Variants in WT1 observed in about 807,000 individuals in gnomAD.
The protein encoded by WT1 is Wilms tumor protein.
A neutral mutation model predicts 60.8 loss-of-function variants in WT1; 8 were observed. That is an observed-to-expected ratio of 0.13 (90% CI 0.08 to 0.24). The LOEUF (loss-of-function observed/expected upper bound fraction) is 0.24, where lower values mean the gene tolerates loss of function less well. Among genes scored for constraint, WT1 ranks in the 10% least tolerant of loss-of-function variants. The pLI is 1.00. For missense variants in WT1, 568 were observed against 711.8 expected, an observed-to-expected ratio of 0.80 and a Z score of 2.30; for synonymous variants, 312 against 297.1, an observed-to-expected ratio of 1.05 and a Z score of -0.52.
chr11:32,404,787 G>C (rs1416807349), intron 5 of WT1, among the ~76,000 whole-genome samples: 1 of 152,094 alleles, frequency 6.6e-6, no homozygotes, highest in African/African-American at 2.4e-5. Context: ...AAAAGAAACG[G>C]ACTTGGGCAC....
chr11:32,399,177 G>A (rs797007297), intron 6 of WT1, among the ~76,000 whole-genome samples: 35 of 138,876 alleles, frequency 2.5e-4, no homozygotes, highest in South Asian at 4.9e-4. Context: ...AAAAGAAAAA[G>A]AAAAAAAAAA....
chr11:32,398,535 T>A (rs1852043866), intron 6 of WT1, among the ~76,000 whole-genome samples: 1 of 152,164 alleles, frequency 6.6e-6, no homozygotes, highest in Non-Finnish European at 1.5e-5. Context: ...CCACAAACTG[T>A]TCACCATCCT....
At chr11:32,426,534 GA>G (rs1422976065) in intron 3 of WT1, among the ~76,000 whole-genome samples, 2 of 152,188 alleles carry the variant, frequency 1.3e-5, no homozygotes, top group African/African-American at 4.8e-5. Context: ...CTGTGGTGCA[GA>G]ACAGGAATGA....
chr11:32,424,800 C>G (rs1554944455), intron 3 of WT1, among the ~76,000 whole-genome samples: 1 of 152,194 alleles, frequency 6.6e-6, no homozygotes, highest in Non-Finnish European at 1.5e-5. Flanking sequence ...GTCCTCAAAG[C>G]ACACTCCACA....
At chr11:32,410,028 G>A (rs7125816) in intron 5 of WT1, among the ~76,000 whole-genome samples, 42,676 of 152,038 alleles carry the variant, frequency 0.28, 6,773 homozygotes, top group East Asian at 0.68. Flanking sequence ...CTGGGTTCAA[G>A]CAATTAATTC....
rs2132915581 is a variant in WT1 at position 32,392,084 on chromosome 11, C to G, written c.1355-20G>C. ...TCACACCTAAATGGACAGAGAAGGT[C>G]TAGCCTCGGCCCTAACAATGTGGGC... On this transcript the variant is annotated intron_variant, in intron 8 of 9. Transcript: ENST00000452863. The G allele has an allele frequency of 6.2e-7, 1 of 1,611,720 alleles. No individual in the cohort carries two copies. Among genetic ancestry groups the G allele is most frequent in the Non-Finnish European group, 8.5e-7 (1 of 1,178,118 alleles).
intron 5 of WT1, among the ~76,000 whole-genome samples, chr11:32,402,554 T>C (rs1852188452): frequency 6.6e-6 from 1 of 152,242 alleles, no homozygotes; most frequent in Non-Finnish European, 1.5e-5. Flanking sequence ...ACACATTTTC[T>C]TTCTTTTTCT....
chr11:32,392,195 C>G, intron 8 of WT1, 131 bp from the exon 9 acceptor site: 3 of 817,956 alleles, frequency 3.7e-6, no homozygotes, highest in South Asian at 2.7e-5. Flanking sequence ...TCTGCCTCAC[C>G]CTTAGATTTC....
At chr11:32,430,249 T>C (rs961234595) in intron 1 of WT1, among the ~76,000 whole-genome samples, 11 of 152,064 alleles carry the variant, frequency 7.2e-5, no homozygotes, top group African/African-American at 2.4e-4. Flanking sequence ...TTAGCTCTCC[T>C]GCATGGGCGA....
intron 5 of WT1, among the ~76,000 whole-genome samples, chr11:32,410,498 C>A (rs964899039): frequency 1.3e-5 from 2 of 152,098 alleles, no homozygotes; most frequent in Admixed American, 1.3e-4. Flanking sequence ...TTAGAGGTAA[C>A]TGCAATTAAT....
intron 5 of WT1, among the ~76,000 whole-genome samples, chr11:32,409,672 C>T (rs1225039530): frequency 7.2e-5 from 11 of 152,084 alleles, no homozygotes; most frequent in Admixed American, 7.2e-4. Context: ...GCTATATTGA[C>T]CAGGCTGGTC....
rs35515910 is a variant in WT1 at position 32,418,244 on chromosome 11, TA to T, written c.888-591del. ...TTTATAATCCTGGTACAAGTCAAAT[TA>T]AAAAAAAAAAAAAAGAGCCCAGTTC... On this transcript the variant is annotated intron_variant, in intron 3 of 9. Coordinates refer to ENST00000452863, the MANE Select transcript of WT1 (RefSeq NM_024426.6). 2.6e-3 allele frequency among the ~76,000 whole-genome samples: 343 copies of T among 129,592 alleles called. 2 individuals carry two copies. Among genetic ancestry groups the T allele is most frequent in the African/African-American group, 8.7e-3 (314 of 36,254 alleles). 85.0% of individuals were successfully genotyped at this position (129,592 alleles called of 152,430 possible).
intron 1 of WT1, among the ~76,000 whole-genome samples, chr11:32,431,337 C>T (rs1043658589): frequency 6.6e-6 from 1 of 152,186 alleles, no homozygotes; most frequent in Admixed American, 6.5e-5. Context: ...GGCCTCCGCA[C>T]CTGACCCTAG....
intron 1 of WT1, among the ~76,000 whole-genome samples, chr11:32,432,452 C>T (rs1410427666): frequency 6.6e-6 from 1 of 152,228 alleles, no homozygotes. Context: ...CGGAGCGCTT[C>T]TCACATCCAA....
intron 3 of WT1, among the ~76,000 whole-genome samples, chr11:32,424,867 A>G (rs1202351712): frequency 6.6e-6 from 1 of 152,166 alleles, no homozygotes; most frequent in Non-Finnish European, 1.5e-5. Flanking sequence ...TAGACTGACA[A>G]GGGAAAGTAT....
chr11:32,418,713 C>CT (rs980641235), intron 3 of WT1, among the ~76,000 whole-genome samples: 2 of 152,112 alleles, frequency 1.3e-5, no homozygotes, highest in Non-Finnish European at 2.9e-5. Context: ...TTCAGAAAGG[C>CT]TTTTTTCAGG....
At position 32,396,382 on chromosome 11, in the gene WT1, G is replaced by T. The variant is rs2132941654; in HGVS notation, c.1139C>A (p.Ala380Asp). 2 of 1,614,136 alleles carry T rather than the reference G, an allele frequency of 1.2e-6. No individual in the cohort carries two copies. The highest frequency in any genetic ancestry group is 8.5e-7 in the Non-Finnish European group (1 of 1,180,038). ...AGATGCCGACCGTACAAGAGTCGGG[G>T]CTACTCCAGGCACACGTCGCACATC... Residue 380 changes from alanine to aspartate, a missense_variant, in exon 7 of 10, where the codon GCC becomes GAC. By Grantham distance (126) the Ala-to-Asp change is moderately radical. Transcript: ENST00000452863.
At chr11:32,428,449 T>C in intron 2 of WT1, 48 bp downstream of exon 2, 1 of 1,612,890 alleles carries the variant, frequency 6.2e-7, no homozygotes, top group South Asian at 1.1e-5. Flanking sequence ...GAGAGGAGGA[T>C]AGCACGGAAG....
In WT1 at chr11:32,392,454, T is replaced by G. The variant is rs1851845642; in HGVS notation, c.1354+212A>C. Among the ~76,000 whole-genome samples, 3 of 152,228 alleles carry G rather than the reference T, an allele frequency of 2.0e-5. No individual in the cohort carries two copies. The South Asian group carries it at 6.2e-4, about 32-fold the overall frequency. On this transcript the variant is annotated intron_variant, in intron 8 of 9. Transcript: ENST00000452863. ...CACTGCTAGTGGGATCTCACTGTTC[T>G]GTGGTTTGCAGGGGAAATGTGGGGT...
Sources: gnomAD v4.1 joint callset for allele counts (sites outside exome capture counted in the v4.1 genomes callset) on GRCh38, gnomAD v4.1.1 for gene constraint, MANE v1.5 for transcripts, NCBI Gene and HGNC (gene_info 2026-07-23, HGNC 2026-07-21) for gene names.